CMSS1: variants seen among roughly 807,000 people sequenced by gnomAD.
CMSS1 encodes cms1 ribosomal small subunit homolog, also known as protein CMSS1.
Under a neutral mutation model 43.5 loss-of-function variants are expected in CMSS1, and 33 were observed. The observed-to-expected ratio is 0.76, with a 90% CI of 0.57 to 1.01. CMSS1 has a LOEUF of 1.01. Among genes scored for constraint, CMSS1 ranks in the 50% least tolerant of loss-of-function variants. CMSS1 has a pLI of 0.00. For missense variants in CMSS1, 313 were observed against 326.4 expected, an observed-to-expected ratio of 0.96 and a Z score of 0.32; for synonymous variants, 115 against 117.2, an observed-to-expected ratio of 0.98 and a Z score of 0.12.
intron 1 of CMSS1, chr3:99,876,113 G>A: frequency 1.0e-6 from 1 of 986,640 alleles, no homozygotes; most frequent in Middle Eastern, 5.2e-4. Flanking sequence ...CCGGGCCGGG[G>A]CCGCTGTAGT....
In CMSS1 at chr3:100,143,915, C is replaced by T. The variant is rs1318111836; in HGVS notation, c.65-3058C>T. On this transcript the variant is annotated intron_variant, in intron 1 of 9. Transcript: ENST00000421999. ...ACTGACCAATATTTTCATATTATGT[C>T]TTTTTTTCATCCCTTTGCTTTCAGT... Among the ~76,000 whole-genome samples the T allele has an allele frequency of 5.3e-5, 8 of 151,996 alleles. No individual in the cohort carries two copies. The South Asian group carries it at 8.3e-4, about 16-fold the overall frequency.
At chr3:100,016,101 T>C (rs991517861) in intron 1 of CMSS1, among the ~76,000 whole-genome samples, 3 of 152,252 alleles carry the variant, frequency 2.0e-5, no homozygotes, top group African/African-American at 7.2e-5. Context: ...GTGATGATCC[T>C]TGCAGGCCGT....
chr3:100,046,236 G>A (rs962924979), intron 1 of CMSS1, among the ~76,000 whole-genome samples: 2 of 152,106 alleles, frequency 1.3e-5, no homozygotes, highest in South Asian at 2.1e-4. Context: ...ATATTCCAGC[G>A]TTTGGATCCA....
chr3:99,826,184 GT>G (rs1230412837), intron 1 of CMSS1, among the ~76,000 whole-genome samples: 5 of 152,124 alleles, frequency 3.3e-5, no homozygotes, highest in Non-Finnish European at 7.4e-5. Flanking sequence ...TTGAAATATA[GT>G]TTCCCCATTT....
chr3:100,157,448 T>C (rs1206830694), intron 2 of CMSS1, among the ~76,000 whole-genome samples: 1 of 152,240 alleles, frequency 6.6e-6, no homozygotes, highest in Admixed American at 6.5e-5. Flanking sequence ...CTATCCATTC[T>C]TATTGAAGAG....
At chr3:99,957,897 A>G (rs1484936119) in intron 1 of CMSS1, among the ~76,000 whole-genome samples, 4 of 149,572 alleles carry the variant, frequency 2.7e-5, no homozygotes, top group East Asian at 1.9e-4. Context: ...TTTAGATTCA[A>G]CAAAACCTGT....
intron 1 of CMSS1, among the ~76,000 whole-genome samples, chr3:100,112,544 G>A (rs1230291006): frequency 6.6e-6 from 1 of 151,984 alleles, no homozygotes; most frequent in Non-Finnish European, 1.5e-5. Flanking sequence ...TAAAGCTTAA[G>A]CAAAAAAGAC....
intron 1 of CMSS1, chr3:100,025,474 C>T: frequency 6.6e-6 from 1 of 151,848 alleles, no homozygotes; most frequent in East Asian, 1.9e-4. Flanking sequence ...TTGATGTTGC[C>T]TAGGGTTAAA....
rs568615335 is a variant in CMSS1 at position 99,974,378 on chromosome 3, C to A, written c.64+156335C>A. 2.0e-5 allele frequency among the ~76,000 whole-genome samples: 3 copies of A among 152,234 alleles called. No homozygotes were observed. The East Asian group carries it at 5.8e-4, about 29-fold the overall frequency. On this transcript the variant is annotated intron_variant, in intron 1 of 9. Transcript: ENST00000421999. ...GCCCATTTCTTACCTTGTTGACTGT[C>A]ACTATCAGGTCAAAAAACTTAGAAA...
At chr3:99,955,697 G>A (rs1708302393) in intron 1 of CMSS1, among the ~76,000 whole-genome samples, 1 of 152,058 alleles carries the variant, frequency 6.6e-6, no homozygotes, top group Admixed American at 6.5e-5. Flanking sequence ...CATTGATGAT[G>A]AAGATCCTTC....
At chr3:99,948,988 A>G (rs894488434) in intron 1 of CMSS1, among the ~76,000 whole-genome samples, 12 of 152,274 alleles carry the variant, frequency 7.9e-5, no homozygotes, top group African/African-American at 2.4e-4. Context: ...AATGTGGCCA[A>G]TTCTTTCAAG....
At chr3:99,859,887 GTC>G (rs1559663457) in intron 1 of CMSS1, among the ~76,000 whole-genome samples, 1 of 152,080 alleles carries the variant, frequency 6.6e-6, no homozygotes, top group Admixed American at 6.6e-5. Flanking sequence ...GCTGTGACCC[GTC>G]TTTTTTATTC....
At chr3:99,828,707 C>G (rs947504447) in intron 1 of CMSS1, among the ~76,000 whole-genome samples, 1 of 151,758 alleles carries the variant, frequency 6.6e-6, no homozygotes, top group Non-Finnish European at 1.5e-5. Context: ...CCTCTCACCT[C>G]AGCCTCCCAA....
chr3:99,840,747 C>G (rs147618785), intron 1 of CMSS1, among the ~76,000 whole-genome samples: 303 of 152,326 alleles, frequency 2.0e-3, no homozygotes, highest in African/African-American at 6.8e-3. Flanking sequence ...TCTTAAAGAT[C>G]ACCAAGTTCA....
chr3:99,896,273 G>A (rs765669021), intron 1 of CMSS1, among the ~76,000 whole-genome samples: 1 of 152,188 alleles, frequency 6.6e-6, no homozygotes, highest in Non-Finnish European at 1.5e-5. Context: ...GGAAACTATA[G>A]GAGGAAAATG....
chr3:100,117,767 C>T (rs760541213), intron 1 of CMSS1, among the ~76,000 whole-genome samples: 4 of 138,666 alleles, frequency 2.9e-5, no homozygotes, highest in Non-Finnish European at 6.1e-5. Context: ...TTTTTACCAT[C>T]ACAATAGCCA....
At chr3:99,934,572 A>C (rs1038461644) in intron 1 of CMSS1, among the ~76,000 whole-genome samples, 50 of 152,220 alleles carry the variant, frequency 3.3e-4, no homozygotes, top group African/African-American at 1.1e-3. Context: ...AACTTAATCT[A>C]GGATATCCCT....
chr3:100,155,115 A>G (rs2066959477), intron 2 of CMSS1, among the ~76,000 whole-genome samples: 1 of 152,212 alleles, frequency 6.6e-6, no homozygotes, highest in Admixed American at 6.5e-5. Context: ...GATTTCTGAC[A>G]TAATCTACTG....
intron 1 of CMSS1, among the ~76,000 whole-genome samples, chr3:100,033,732 T>G (rs958196879): frequency 6.6e-6 from 1 of 152,196 alleles, no homozygotes. Flanking sequence ...AAACCTGATA[T>G]ATTGAAAATA....
Sources: allele counts gnomAD v4.1 joint callset (sites outside exome capture counted in the v4.1 genomes callset), GRCh38; gene constraint gnomAD v4.1.1; transcripts MANE v1.5; gene names NCBI Gene and HGNC (gene_info 2026-07-23, HGNC 2026-07-21).